The following ATG7 variants were observed in gnomAD, a reference collection of about 807,000 sequenced individuals.
ATG7 encodes the protein ubiquitin-like modifier-activating enzyme ATG7.
ATG7 carries 70 observed loss-of-function variants against 82.4 expected under a neutral mutation model. That is an observed-to-expected ratio of 0.85 (90% confidence interval 0.70 to 1.04). The LOEUF is 1.04. Ranked by LOEUF, ATG7 falls within the 50% of genes least tolerant of loss-of-function variation. ATG7 has a pLI of 0.00. For missense variants in ATG7, 792 were observed against 864.3 expected (o/e 0.92, Z 1.05); for synonymous variants, 287 against 313.0 (o/e 0.92, Z 0.88).
intron 19 of ATG7, among the ~76,000 whole-genome samples, chr3:11,412,634 C>A (rs1576219860): frequency 1.3e-5 from 2 of 152,086 alleles, no homozygotes; most frequent in African/African-American, 4.8e-5. Flanking sequence ...CAGCTTTGCT[C>A]CTCTTCTTCA....
chr3:11,374,754 A>G (rs1319984040), intron 18 of ATG7, among the ~76,000 whole-genome samples: 1 of 152,086 alleles, frequency 6.6e-6, no homozygotes, highest in Non-Finnish European at 1.5e-5. Context: ...AATTCAAAAA[A>G]TTAGCCAGGC....
At chr3:11,313,252 A>C in intron 7 of ATG7, 52 bp from the exon 8 acceptor site, 4 of 1,218,978 alleles carry the variant, frequency 3.3e-6, no homozygotes, top group Non-Finnish European at 4.7e-6. Flanking sequence ...GATGCATTTC[A>C]CCTTAAGTTA....
In ATG7 at chr3:11,352,150, C is replaced by T. The variant is rs1051697967; in HGVS notation, c.1284+4115C>T. The stretch of plus-strand genomic sequence containing the variant: ...ATTTGCTCAGAATGATGATTTCCAG[C>T]TTCATCCATGTCCCTACAAAGGACA... On this transcript the variant is annotated intron_variant, in intron 14 of 20. Transcript: ENST00000693202. 5.3e-5 allele frequency among the ~76,000 whole-genome samples: 8 copies of T among 152,112 alleles called. No individual in the cohort carries two copies. In the South Asian group the frequency reaches 8.3e-4, roughly 16 times the overall value.
chr3:11,426,687 C>A, intron 19 of ATG7, 117 bp from the exon 20 acceptor site: 1 of 1,024,228 alleles, frequency 9.8e-7, no homozygotes, highest in Non-Finnish European at 1.3e-6. Context: ...ATTATTATCC[C>A]CATGTTTAAT....
chr3:11,399,802 G>A (rs1356020437), intron 19 of ATG7, among the ~76,000 whole-genome samples: 1 of 152,136 alleles, frequency 6.6e-6, no homozygotes, highest in Non-Finnish European at 1.5e-5. Context: ...TTGAACTCCT[G>A]ACCTCAGGTA....
At chr3:11,337,446 C>G (rs1337744721) in intron 11 of ATG7, among the ~76,000 whole-genome samples, 3 of 151,620 alleles carry the variant, frequency 2.0e-5, no homozygotes, top group Non-Finnish European at 4.4e-5. Flanking sequence ...CAGCAAGACT[C>G]TGTCTGTCTC....
chr3:11,386,541 C>A (rs1034728418), intron 19 of ATG7, among the ~76,000 whole-genome samples: 1 of 152,158 alleles, frequency 6.6e-6, no homozygotes, highest in Admixed American at 6.5e-5. Context: ...AGAGCCCAGT[C>A]GGAAGAGCTC....
the ATG7 span, among the ~76,000 whole-genome samples, chr3:11,571,830 G>A: frequency 6.6e-6 from 1 of 152,276 alleles, no homozygotes; most frequent in African/African-American, 2.4e-5. Context: ...CTATTGGCCG[G>A]GCACAGTGGC....
At chr3:11,336,753 G>A (rs1286446891) in intron 11 of ATG7, among the ~76,000 whole-genome samples, 1 of 152,092 alleles carries the variant, frequency 6.6e-6, no homozygotes, top group Non-Finnish European at 1.5e-5. Flanking sequence ...GCTCACTGCA[G>A]CCTTGACCTC....
chr3:11,313,496 C>A, intron 8 of ATG7, 76 bp downstream of exon 8: 1 of 1,016,560 alleles, frequency 9.8e-7, no homozygotes, highest in Non-Finnish European at 1.5e-6. Flanking sequence ...TTTCCAAAGA[C>A]AAACAGGCAC....
intron 20 of ATG7, among the ~76,000 whole-genome samples, chr3:11,444,454 G>T (rs570391599): frequency 6.6e-5 from 10 of 152,244 alleles, no homozygotes; most frequent in Non-Finnish European, 1.2e-4. Flanking sequence ...GATTTCTTTT[G>T]CCTGCCAAAG....
chr3:11,471,473 C>T (rs1273485953), intron 20 of ATG7, among the ~76,000 whole-genome samples: 2 of 152,198 alleles, frequency 1.3e-5, no homozygotes, highest in Non-Finnish European at 1.5e-5. Flanking sequence ...GTAGTCAGCA[C>T]TTAGTAAAAA....
intron 19 of ATG7, among the ~76,000 whole-genome samples, chr3:11,380,465 A>C (rs1020095501): frequency 1.3e-5 from 2 of 152,172 alleles, no homozygotes; most frequent in African/African-American, 4.8e-5. Flanking sequence ...TACAAAGAAA[A>C]AGTAAACAGA....
chr3:11,561,417 G>A (rs1020287321), downstream of ATG7, among the ~76,000 whole-genome samples: 6 of 152,186 alleles, frequency 3.9e-5, no homozygotes, highest in Non-Finnish European at 2.9e-5. Context: ...GAGCTGGGGC[G>A]AATTGCCTTA....
At chr3:11,309,931 T>C (rs773712714) in intron 7 of ATG7, among the ~76,000 whole-genome samples, 3 of 152,132 alleles carry the variant, frequency 2.0e-5, no homozygotes, top group Non-Finnish European at 4.4e-5. Flanking sequence ...ACCAGCACTT[T>C]GGGAGGCTGA....
chr3:11,437,728 C>A (rs1305293478), intron 20 of ATG7, among the ~76,000 whole-genome samples: 2 of 152,148 alleles, frequency 1.3e-5, no homozygotes, highest in African/African-American at 4.8e-5. Flanking sequence ...ACTCCCCCGA[C>A]GTCTTATCAC....
chr3:11,364,836 T>C (rs1023863258), intron 18 of ATG7, 102 bp downstream of exon 18: 1 of 1,219,830 alleles, frequency 8.2e-7, no homozygotes, highest in East Asian at 2.4e-5. Context: ...ATATCCACCC[T>C]ACTTACCCTG....
rs1295366034 is a variant in ATG7, at chr3:11,358,577, T to A, written c.1444T>A (p.Trp482Arg). The A allele has an allele frequency of 6.2e-7, 1 of 1,613,666 alleles. No homozygotes were observed. The highest frequency in any genetic ancestry group is 8.5e-7 in the Non-Finnish European group (1 of 1,179,966). ...FLLMDTRESRWLPAVIAASKR... is the reference protein window; with the variant it reads ...FLLMDTRESRRLPAVIAASKR... ...ATTGATGGACACCAGGGAGAGCCGG[T>A]GGCTTCCTGCCGTCATTGCTGCAAG... The change falls in exon 15 of 21, where the codon TGG becomes AGG. Residue 482 changes from tryptophan to arginine, a missense_variant. Trp to Arg is a moderately radical substitution (Grantham distance 101). Transcript: ENST00000693202.
At position 11,364,657 on chromosome 3, in the gene ATG7, A is replaced by C. The variant is rs2076483577; in HGVS notation, c.1800-2A>C. ...GCAGCTCTGATTGTTTCCTGTCCTC[A>C]GGGGCTATGCCATTGCCAGCAGCAG... is the stretch of plus-strand genomic sequence containing the variant. On this transcript the variant is annotated splice_acceptor_variant, in intron 17 of 20. Coordinates refer to ENST00000693202, the MANE Select transcript of ATG7 (RefSeq NM_001349232.2). LOFTEE classifies it high-confidence loss of function. 6.2e-7 allele frequency: 1 copy of C among 1,614,092 alleles called. No individual in the cohort carries two copies. Among genetic ancestry groups the C allele is most frequent in the Non-Finnish European group, 8.5e-7 (1 of 1,179,940 alleles).
Sources: allele counts gnomAD v4.1 joint callset (sites outside exome capture counted in the v4.1 genomes callset), GRCh38; gene constraint gnomAD v4.1.1; transcripts MANE v1.5; gene names NCBI Gene and HGNC (gene_info 2026-07-23, HGNC 2026-07-21).